ST18: variants seen among roughly 807,000 people sequenced by gnomAD.
ST18 encodes suppression of tumorigenicity 18 protein.
ST18 carries 50 observed loss-of-function variants against 110.0 expected under a neutral mutation model. The observed-to-expected ratio is 0.45, with a 90% confidence interval of 0.36 to 0.58. The LOEUF (loss-of-function observed/expected upper bound fraction) is 0.58. Among genes scored for constraint, ST18 ranks in the 20% least tolerant of loss-of-function variants. ST18 has a pLI of 0.00. For synonymous variants in ST18, 461 were observed against 452.4 expected, an observed-to-expected ratio of 1.02 and a Z score of -0.24; for missense variants, 1,306 against 1,280.1, an observed-to-expected ratio of 1.02 and a Z score of -0.31.
chr8:52,362,938 G>A (rs1323684129), intron 2 of ST18, among the ~76,000 whole-genome samples: 2 of 152,172 alleles, frequency 1.3e-5, no homozygotes, highest in East Asian at 3.9e-4. Context: ...CAGGCCAGAC[G>A]CGGTGGCTCA....
At chr8:52,364,707 C>T (rs1827138678) in intron 2 of ST18, among the ~76,000 whole-genome samples, 1 of 152,146 alleles carries the variant, frequency 6.6e-6, no homozygotes, top group South Asian at 2.1e-4. Context: ...ATTTTGGCAG[C>T]TACAGAGGTG....
chr8:52,127,109 T>C (rs1474333446), intron 22 of ST18, among the ~76,000 whole-genome samples: 1 of 152,212 alleles, frequency 6.6e-6, no homozygotes, highest in East Asian at 1.9e-4. Flanking sequence ...ATCATTTCAC[T>C]CTGAAGCTTG....
intron 8 of ST18, among the ~76,000 whole-genome samples, chr8:52,184,767 C>T (rs1331030247): frequency 6.6e-6 from 1 of 152,146 alleles, no homozygotes; most frequent in African/African-American, 2.4e-5. Context: ...ATTCTGGGCA[C>T]ACATCCCCAA....
At chr8:52,232,460 A>G (rs2091685451) in intron 2 of ST18, among the ~76,000 whole-genome samples, 1 of 152,210 alleles carries the variant, frequency 6.6e-6, no homozygotes. Flanking sequence ...AACGTCAAAT[A>G]AATATGCAAA....
intron 2 of ST18, among the ~76,000 whole-genome samples, chr8:52,318,046 A>C (rs2096061486): frequency 6.6e-6 from 1 of 152,216 alleles, no homozygotes; most frequent in Non-Finnish European, 1.5e-5. Context: ...TAGTTAAACT[A>C]AAGAGCTTCT....
intron 2 of ST18, among the ~76,000 whole-genome samples, chr8:52,362,019 T>C (rs1221294951): frequency 6.6e-6 from 1 of 152,234 alleles, no homozygotes; most frequent in Admixed American, 6.5e-5. Context: ...TTTGAACCTA[T>C]ATTCTAGTTC....
intron 8 of ST18, among the ~76,000 whole-genome samples, chr8:52,207,178 A>G (rs1240796672): frequency 1.3e-5 from 2 of 152,230 alleles, no homozygotes; most frequent in African/African-American, 2.4e-5. Flanking sequence ...CATACTCATG[A>G]AATGTTATTG....
intron 21 of ST18, 67 bp from the exon 22 acceptor site, chr8:52,132,246 A>G (rs2049976995): frequency 2.2e-6 from 3 of 1,343,728 alleles, no homozygotes; most frequent in Non-Finnish European, 3.0e-6. Context: ...TCTCCAGAGA[A>G]CAAACCATGC....
At chr8:52,296,140 C>A (rs529520252) in intron 2 of ST18, among the ~76,000 whole-genome samples, 131 of 152,110 alleles carry the variant, frequency 8.6e-4, no homozygotes, top group Non-Finnish European at 1.6e-3. Context: ...AGAAATAGTG[C>A]AATGCTGGGG....
In ST18 at chr8:52,172,571, A is replaced by G. The variant is rs1358022530; in HGVS notation, c.290T>C (p.Ile97Thr). The G allele has an allele frequency of 1.3e-6, 2 of 1,570,848 alleles. No homozygotes were observed. Among genetic ancestry groups the G allele is most frequent in the East Asian group, 2.2e-5 (1 of 44,578 alleles). Residue 97 changes from isoleucine (I) to threonine (T), a missense_variant, in exon 10 of 26, where the codon ATA (isoleucine) becomes ACA (threonine). By Grantham distance (89) the Ile-to-Thr change is moderately conservative (BLOSUM62 -1). Coordinates refer to ENST00000689386, the MANE Select transcript of ST18 (RefSeq NM_001352837.2). The stretch of plus-strand genomic sequence containing the variant: ...AAGAAGACTTTCATCCATAGGTTTT[A>G]TCATGATTTCCTCTATGGAAAAAGA... The part of the protein sequence containing the change: ...HGHSTAEEIM[I>T]KPMDESLLST...
intron 22 of ST18, among the ~76,000 whole-genome samples, chr8:52,126,818 C>A (rs1056892090): frequency 3.9e-5 from 6 of 152,200 alleles, no homozygotes; most frequent in African/African-American, 1.4e-4. Context: ...GTGTTTATAA[C>A]CCTTCCATTT....
intron 2 of ST18, chr8:52,403,924 A>T (rs1843617946): frequency 6.6e-6 from 1 of 152,204 alleles, no homozygotes. Context: ...TTTCCCTCCT[A>T]GCAGATACCA....
chr8:52,381,688 C>T (rs377100322), intron 2 of ST18, among the ~76,000 whole-genome samples: 3 of 152,138 alleles, frequency 2.0e-5, no homozygotes, highest in Admixed American at 6.5e-5. Context: ...GGGCAGATTG[C>T]ACCAGATCCT....
At chr8:52,139,203 TA>T (rs2053784952) in intron 17 of ST18, among the ~76,000 whole-genome samples, 1 of 152,090 alleles carries the variant, frequency 6.6e-6, no homozygotes, top group Admixed American at 6.5e-5. Context: ...TCACTAAATG[TA>T]AAAAAATCTT....
chr8:52,241,830 G>C (rs2093432146), intron 2 of ST18, among the ~76,000 whole-genome samples: 2 of 151,540 alleles, frequency 1.3e-5, no homozygotes, highest in Admixed American at 1.3e-4. Context: ...ACATGATGTG[G>C]CATCTACCTA....
chr8:52,142,965 C>A lies in ST18; in HGVS notation c.2133G>T (p.Lys711Asn), dbSNP rs1466828576. The A allele has an allele frequency of 1.2e-6, 2 of 1,614,064 alleles. No individual in the cohort carries two copies. The highest frequency in any genetic ancestry group is 1.3e-5 in the African/African-American group (1 of 75,002). The change falls in exon 17 of 26, where the codon AAG (lysine) becomes AAT (asparagine). Residue 711 changes from lysine to asparagine, a missense_variant. Transcript: ENST00000689386. ...CCTTTTTGAGATCTCTTGCATGAAG[C>A]TTGGGTTTAGGGCTTGGTATAGAGG... is the stretch of plus-strand genomic sequence containing the variant. ...GEASIPSPKP[K>N]LHARDLKKEL...
intron 22 of ST18, among the ~76,000 whole-genome samples, chr8:52,131,193 C>T (rs1413194573): frequency 2.6e-5 from 4 of 152,174 alleles, no homozygotes; most frequent in Non-Finnish European, 4.4e-5. Flanking sequence ...TGCTTATATA[C>T]AAAACATTAA....
intron 2 of ST18, among the ~76,000 whole-genome samples, chr8:52,336,756 A>AATTGGGCAAGGAGCCATGCTTGTGTCTGT (rs1244450073): frequency 2.0e-5 from 3 of 152,226 alleles, no homozygotes; most frequent in African/African-American, 4.8e-5. Context: ...CAAACACTGG[A>AATTGGGCAAGGAGCCATGCTTGTGTCTGT]ATTGGGCAAG....
intron 13 of ST18, among the ~76,000 whole-genome samples, chr8:52,163,263 G>T (rs1307200956): frequency 6.6e-6 from 1 of 152,174 alleles, no homozygotes; most frequent in African/African-American, 2.4e-5. Context: ...GCCGTATCTT[G>T]AAAACGTTGA....
Sources: gnomAD v4.1 joint callset for allele counts (sites outside exome capture counted in the v4.1 genomes callset) on GRCh38, gnomAD v4.1.1 for gene constraint, MANE v1.5 for transcripts, NCBI Gene and HGNC (gene_info 2026-07-23, HGNC 2026-07-21) for gene names.